XRCC4: variants seen among roughly 807,000 people sequenced by gnomAD.
XRCC4 encodes DNA repair protein XRCC4.
A neutral mutation model predicts 39.1 loss-of-function variants in XRCC4; 28 were observed. The ratio of observed to expected loss-of-function variants is 0.72; its 90% CI spans 0.53 to 0.98. The LOEUF (loss-of-function observed/expected upper bound fraction) is 0.98. Among genes scored for constraint, XRCC4 ranks in the 50% least tolerant of loss-of-function variants. XRCC4 has a pLI of 0.00. For synonymous variants in XRCC4, 123 were observed against 126.4 expected, an observed-to-expected ratio of 0.97 and a Z score of 0.18; for missense variants, 350 against 376.4, an observed-to-expected ratio of 0.93 and a Z score of 0.58.
At chr5:83,177,199 C>A (rs1290939897) in intron 3 of XRCC4, among the ~76,000 whole-genome samples, 1 of 152,002 alleles carries the variant, frequency 6.6e-6, no homozygotes, top group Non-Finnish European at 1.5e-5. Context: ...TTTGAAACAG[C>A]CTTTAAGGTA....
intron 6 of XRCC4, among the ~76,000 whole-genome samples, chr5:83,236,614 A>G (rs932692468): frequency 1.3e-5 from 2 of 152,166 alleles, no homozygotes; most frequent in African/African-American, 4.8e-5. Context: ...AAACTAGTAG[A>G]AGAAAACATT....
intron 6 of XRCC4, among the ~76,000 whole-genome samples, chr5:83,242,061 A>G (rs1425928952): frequency 7.5e-6 from 1 of 133,372 alleles, no homozygotes; most frequent in Non-Finnish European, 1.6e-5. Flanking sequence ...CAGGAGAGGC[A>G]GGCAAATTCA....
At chr5:83,350,023 C>G (rs1457196076) in intron 7 of XRCC4, among the ~76,000 whole-genome samples, 1 of 152,114 alleles carries the variant, frequency 6.6e-6, no homozygotes, top group Non-Finnish European at 1.5e-5. Context: ...ATTTGGTGTT[C>G]TGTTCCTGCA....
intron 3 of XRCC4, among the ~76,000 whole-genome samples, chr5:83,135,470 A>G (rs7738033): frequency 1.3e-5 from 2 of 151,138 alleles, no homozygotes; most frequent in Non-Finnish European, 2.9e-5. Flanking sequence ...ATAATATGCC[A>G]TGATGTAGTT....
chr5:83,152,885 A>T (rs1387303198), intron 3 of XRCC4, among the ~76,000 whole-genome samples: 2 of 152,062 alleles, frequency 1.3e-5, no homozygotes, highest in Non-Finnish European at 2.9e-5. Flanking sequence ...GATAAAGCCT[A>T]CCCATCCTAT....
chr5:83,323,818 G>C (rs1756157491), intron 7 of XRCC4, among the ~76,000 whole-genome samples: 2 of 152,096 alleles, frequency 1.3e-5, no homozygotes, highest in Admixed American at 1.3e-4. Flanking sequence ...ATTTGAGGAA[G>C]AGAGAATGGT....
rs1561396489 is a variant in XRCC4, at chr5:83,195,950, T to TTGC, written c.482+16_482+18dup. ...TGTTCAAGGACGGTGTGTACACAGT[T>TTGC]TGCTTGTGGTATAAAAATACGGAGC... On this transcript the variant is annotated intron_variant, in intron 4 of 7. Transcript: ENST00000396027. The TTGC allele has an allele frequency of 6.4e-7, 1 of 1,552,816 alleles. No homozygotes were observed. The highest frequency in any genetic ancestry group is 1.2e-5 in the South Asian group (1 of 80,070).
At chr5:83,175,829 G>A (rs1392817765) in intron 3 of XRCC4, among the ~76,000 whole-genome samples, 3 of 152,012 alleles carry the variant, frequency 2.0e-5, no homozygotes, top group East Asian at 3.9e-4. Flanking sequence ...GGCTGGTCTC[G>A]AACTCCTGAT....
chr5:83,163,363 A>G (rs1248321484), intron 3 of XRCC4, among the ~76,000 whole-genome samples: 3 of 152,220 alleles, frequency 2.0e-5, no homozygotes, highest in Non-Finnish European at 4.4e-5. Flanking sequence ...TTTCTTTTAA[A>G]TTGACCCATA....
chr5:83,156,652 GCTTATATTGC>G (rs1170015232), intron 3 of XRCC4, among the ~76,000 whole-genome samples: 5 of 152,032 alleles, frequency 3.3e-5, no homozygotes, highest in African/African-American at 1.2e-4. Context: ...CTTTGAAGTG[GCTTATATTGC>G]CTTAAATAGT....
chr5:83,256,201 C>T (rs983189128), intron 6 of XRCC4, among the ~76,000 whole-genome samples: 6 of 152,118 alleles, frequency 3.9e-5, no homozygotes, highest in East Asian at 1.9e-4. Flanking sequence ...TGCTTCTGGC[C>T]GGTGCATTCC....
At chr5:83,236,570 G>A (rs1027329333) in intron 6 of XRCC4, among the ~76,000 whole-genome samples, 1 of 151,992 alleles carries the variant, frequency 6.6e-6, no homozygotes, top group Non-Finnish European at 1.5e-5. Flanking sequence ...AATCAAAATG[G>A]ATTAAAGACT....
chr5:83,130,385 G>T (rs1217278909), intron 3 of XRCC4, among the ~76,000 whole-genome samples: 2 of 152,126 alleles, frequency 1.3e-5, no homozygotes, highest in East Asian at 3.9e-4. Context: ...TTTTATTGAG[G>T]ATTTTTGCAT....
At chr5:83,332,226 T>TACACACACACACACACAC (rs67822741) in intron 7 of XRCC4, among the ~76,000 whole-genome samples, 10 of 141,952 alleles carry the variant, frequency 7.0e-5, no homozygotes, top group Admixed American at 2.2e-4. Context: ...TTCAATCTTC[T>TACACACACACACACACAC]ACACACACAC....
intron 3 of XRCC4, among the ~76,000 whole-genome samples, chr5:83,142,012 A>T (rs1748203594): frequency 6.6e-6 from 1 of 152,126 alleles, no homozygotes; most frequent in African/African-American, 2.4e-5. Context: ...CTTACCTATC[A>T]GTTTTCAGTT....
At chr5:83,136,431 T>C (rs1747901961) in intron 3 of XRCC4, among the ~76,000 whole-genome samples, 1 of 152,204 alleles carries the variant, frequency 6.6e-6, no homozygotes. Context: ...AGGAAAAGAA[T>C]TATCCGGGTA....
At chr5:83,231,368 G>A (rs907112025) in intron 6 of XRCC4, among the ~76,000 whole-genome samples, 1 of 152,046 alleles carries the variant, frequency 6.6e-6, no homozygotes, top group African/African-American at 2.4e-5. Context: ...CTAAAAGGCA[G>A]TTGAGTTTAT....
chr5:83,211,637 A>C (rs975828518), intron 6 of XRCC4, among the ~76,000 whole-genome samples: 2 of 152,190 alleles, frequency 1.3e-5, no homozygotes, highest in African/African-American at 4.8e-5. Flanking sequence ...CCCCCAACAA[A>C]AGAAAAGAAA....
At chr5:83,100,254 T>TA (rs1459324670) in intron 1 of XRCC4, among the ~76,000 whole-genome samples, 1 of 152,100 alleles carries the variant, frequency 6.6e-6, no homozygotes, top group African/African-American at 2.4e-5. Context: ...ATCTTTAAAA[T>TA]AAAATCATAT....
Sources: gnomAD v4.1 joint callset for allele counts (sites outside exome capture counted in the v4.1 genomes callset) on GRCh38, gnomAD v4.1.1 for gene constraint, MANE v1.5 for transcripts, NCBI Gene and HGNC (gene_info 2026-07-23, HGNC 2026-07-21) for gene names.